INIP: variants seen among roughly 807,000 people sequenced by gnomAD.
The protein encoded by INIP is SOSS complex subunit C.
INIP carries 9 observed loss-of-function variants against 14.0 expected under a neutral mutation model. The ratio of observed to expected loss-of-function variants is 0.64; its 90% CI spans 0.39 to 1.12. The LOEUF is 1.12. Ranked by LOEUF, INIP falls within the 50% of genes most tolerant of loss-of-function variation. INIP has a pLI of 0.01. For synonymous variants in INIP, 37 were observed against 41.5 expected (o/e 0.89, Z 0.41); for missense variants, 78 against 122.7 (o/e 0.64, Z 1.72).
chr9:112,692,908 G>A (rs1315743796), intron 3 of INIP, among the ~76,000 whole-genome samples: 1 of 151,416 alleles, frequency 6.6e-6, no homozygotes, highest in Non-Finnish European at 1.5e-5. Context: ...AGGTATGGTA[G>A]GGTGCACCTG....
intron 3 of INIP, among the ~76,000 whole-genome samples, chr9:112,690,322 C>A (rs1430089438): frequency 1.3e-5 from 2 of 152,138 alleles, no homozygotes; most frequent in East Asian, 3.9e-4. Flanking sequence ...GAGACCCCAT[C>A]TCTACAAAAA....
At chr9:112,689,039 T>C (rs1837785282) in intron 4 of INIP, among the ~76,000 whole-genome samples, 1 of 152,170 alleles carries the variant, frequency 6.6e-6, no homozygotes, top group Non-Finnish European at 1.5e-5. Context: ...AAGAGTATTT[T>C]TTTTAACTGA....
At chr9:112,710,931 G>T (rs1474867119) in intron 2 of INIP, among the ~76,000 whole-genome samples, 2 of 151,968 alleles carry the variant, frequency 1.3e-5, no homozygotes, top group African/African-American at 4.8e-5. Flanking sequence ...AATGCTTTGG[G>T]AAGCCAAGGT....
rs1837596090 is a variant in INIP at position 112,684,724 on chromosome 9, A to G, written c.*2814T>C. 1 of 152,182 alleles carries G rather than the reference A, an allele frequency of 6.6e-6. No homozygotes were observed. The highest frequency in any genetic ancestry group is 6.5e-5 in the Admixed American group (1 of 15,276). The allele number at this position is 152,182 out of a possible 1,614,324, so 9.4% of individuals were successfully genotyped here. On this transcript the variant is annotated 3_prime_UTR_variant, in exon 5 of 5. Transcript: ENST00000374242. ...ATTAAGTTGGCTTCTCAACTCAGTAATGGGTTGAGGCTTTTGCACTTTGAA... is the reference window on the plus strand; with the variant it reads ...ATTAAGTTGGCTTCTCAACTCAGTAGTGGGTTGAGGCTTTTGCACTTTGAA...
chr9:112,702,698 G>A (rs1838337759), intron 2 of INIP, among the ~76,000 whole-genome samples: 1 of 152,082 alleles, frequency 6.6e-6, no homozygotes, highest in Non-Finnish European at 1.5e-5. Flanking sequence ...CCAAGTAGCT[G>A]GGACTACAGG....
In INIP at chr9:112,698,218, T is replaced by C. The variant is rs1838161047; in HGVS notation, c.26-3985A>G. Among the ~76,000 whole-genome samples, 3 of 148,208 alleles carry C rather than the reference T, an allele frequency of 2.0e-5. No individual in the cohort carries two copies. In the South Asian group the frequency reaches 6.3e-4, roughly 31 times the overall value. On this transcript the variant is annotated intron_variant, in intron 2 of 4. Coordinates refer to ENST00000374242, the MANE Select transcript of INIP (RefSeq NM_021218.3). ...AGTCGGGAGACTGAGGCAGGAGAATTGCTTGAACCTTGGAGGCGGAGGTTG... is the reference window on the plus strand; with the variant it reads ...AGTCGGGAGACTGAGGCAGGAGAATCGCTTGAACCTTGGAGGCGGAGGTTG...
intron 2 of INIP, among the ~76,000 whole-genome samples, chr9:112,716,008 C>CT (rs1784600241): frequency 6.6e-6 from 1 of 152,116 alleles, no homozygotes; most frequent in Non-Finnish European, 1.5e-5. Context: ...TGTCATTGAC[C>CT]TAAACATCAT....
Position 112,694,344 on chromosome 9 carries a change from A to C in INIP, c.26-111T>G, listed in dbSNP as rs545126101. The C allele has an allele frequency of 1.2e-5, 8 of 649,320 alleles. 1 individual carries two copies. The highest frequency in any genetic ancestry group is 1.0e-4 in the South Asian group (6 of 57,428). The allele number at this position is 649,320 out of a possible 1,614,324, so 40.2% of individuals were successfully genotyped here. A position where few individuals can be genotyped will look rare whatever the true frequency, so the allele number is the denominator to read the frequency against. On this transcript the variant is annotated intron_variant, in intron 2 of 4. Coordinates refer to ENST00000374242, the MANE Select transcript of INIP (RefSeq NM_021218.3). ...CTAGAACCAAGAAAGCAAAACTCCT[A>C]TTCTCTAACATGATAATGAATTCAC...
chr9:112,690,317 C>T (rs575601909), intron 3 of INIP, among the ~76,000 whole-genome samples: 8 of 149,572 alleles, frequency 5.3e-5, no homozygotes, highest in Non-Finnish European at 7.6e-5. Flanking sequence ...ACAGTGAGAC[C>T]CCATCTCTAC....
intron 2 of INIP, among the ~76,000 whole-genome samples, chr9:112,707,018 T>C (rs1838493980): frequency 6.6e-6 from 1 of 151,814 alleles, no homozygotes; most frequent in African/African-American, 2.4e-5. Context: ...TTCAAGCGAT[T>C]CTCCTGCCTC....
Position 112,706,093 on chromosome 9 carries a change from GA to G in INIP, c.25+10367del, listed in dbSNP as rs140630166. Among the ~76,000 whole-genome samples the G allele has an allele frequency of 8.6e-3, 1,310 of 152,270 alleles. 30 individuals are homozygous for G. The highest frequency in any genetic ancestry group is 0.03 in the African/African-American group (1,245 of 41,568). On this transcript the variant is annotated intron_variant, in intron 2 of 4. Coordinates refer to ENST00000374242, the MANE Select transcript of INIP (RefSeq NM_021218.3). ...ACTTGTTCAAGAAATAATGCAATAT[GA>G]AAAAGGTGCTCAATGCCATTGATCA...
chr9:112,717,445 G>A (rs1838860653), intron 1 of INIP, among the ~76,000 whole-genome samples: 2 of 151,980 alleles, frequency 1.3e-5, no homozygotes, highest in South Asian at 4.1e-4. Context: ...ACTAAATCCT[G>A]GGGAGATCCA....
chr9:112,697,561 T>A (rs549449218), intron 2 of INIP, among the ~76,000 whole-genome samples: 2 of 152,028 alleles, frequency 1.3e-5, no homozygotes, highest in Non-Finnish European at 2.9e-5. Context: ...TCCAGCCTGG[T>A]CAACAGAGCA....
At position 112,690,571 on chromosome 9, in the gene INIP, C is replaced by A. The variant is rs570969163; in HGVS notation, c.129-954G>T. Among the ~76,000 whole-genome samples the A allele has an allele frequency of 4.6e-5, 7 of 152,340 alleles. No homozygotes were observed. The South Asian group carries it at 1.4e-3, about 32-fold the overall frequency. On this transcript the variant is annotated intron_variant, in intron 3 of 4. Coordinates refer to ENST00000374242, the MANE Select transcript of INIP (RefSeq NM_021218.3). ...TCCTCAACAGTTGTTTGTCTCCTTT[C>A]CTCCTTGCTGATGGAACCCAAACTT...
intron 2 of INIP, among the ~76,000 whole-genome samples, chr9:112,708,104 G>A (rs1838535985): frequency 6.6e-6 from 1 of 152,180 alleles, no homozygotes; most frequent in African/African-American, 2.4e-5. Flanking sequence ...ATGAATGAAT[G>A]TGTAATTAAA....
intron 2 of INIP, among the ~76,000 whole-genome samples, chr9:112,709,813 A>C (rs781756292): frequency 2.6e-5 from 4 of 152,092 alleles, no homozygotes; most frequent in Non-Finnish European, 4.4e-5. Context: ...CTCTCTCCTA[A>C]CTACACAAAC....
At chr9:112,708,824 C>G (rs1838562150) in intron 2 of INIP, among the ~76,000 whole-genome samples, 1 of 151,704 alleles carries the variant, frequency 6.6e-6, no homozygotes, top group Non-Finnish European at 1.5e-5. Context: ...AGCCCCATGC[C>G]CAGCTAATTT....
chr9:112,703,806 T>C (rs532428732), intron 2 of INIP, among the ~76,000 whole-genome samples: 2 of 152,164 alleles, frequency 1.3e-5, no homozygotes, highest in Non-Finnish European at 2.9e-5. Flanking sequence ...AGTTTGAGGT[T>C]AGCCAGGCTG....
chr9:112,695,749 AGAG>A (rs1384107509), intron 2 of INIP, among the ~76,000 whole-genome samples: 1 of 135,576 alleles, frequency 7.4e-6, no homozygotes, highest in Non-Finnish European at 1.6e-5. Flanking sequence ...AAGAGGAGGA[AGAG>A]GAGGAGTAGG....
Sources: gnomAD v4.1 joint callset for allele counts (sites outside exome capture counted in the v4.1 genomes callset) on GRCh38, gnomAD v4.1.1 for gene constraint, MANE v1.5 for transcripts, NCBI Gene and HGNC (gene_info 2026-07-23, HGNC 2026-07-21) for gene names.